The following ADAM28 variants were observed in gnomAD, a reference collection of about 807,000 sequenced individuals.
ADAM28 encodes ADAM metallopeptidase domain 28, also known as disintegrin and metalloproteinase domain-containing protein 28.
A neutral mutation model predicts 101.2 loss-of-function variants in ADAM28; 105 were observed. The observed-to-expected ratio is 1.04, with a 90% CI of 0.89 to 1.22. The LOEUF (loss-of-function observed/expected upper bound fraction) is 1.22, where lower values mean the gene tolerates loss of function less well. Ranked by LOEUF, ADAM28 falls within the 50% of genes most tolerant of loss-of-function variation. The pLI is 0.00. For synonymous variants in ADAM28, 322 were observed against 310.6 expected, an observed-to-expected ratio of 1.04 and a Z score of -0.39; for missense variants, 1,028 against 945.4, an observed-to-expected ratio of 1.09 and a Z score of -1.15.
At chr8:24,323,760 A>C in intron 8 of ADAM28, 74 bp from the exon 9 acceptor site, 5 of 1,421,000 alleles carry the variant, frequency 3.5e-6, no homozygotes, top group Non-Finnish European at 4.8e-6. Context: ...TTAAAAATAC[A>C]AAATATATTG....
At chr8:24,335,281 A>G (rs975061681) in intron 13 of ADAM28, among the ~76,000 whole-genome samples, 165 bp from the exon 14 acceptor site, 4 of 152,128 alleles carry the variant, frequency 2.6e-5, no homozygotes, top group Non-Finnish European at 4.4e-5. Flanking sequence ...TAGAAGTGAT[A>G]TAACAGATCA....
In ADAM28 at chr8:24,353,121, A is replaced by G. The variant is rs540394910; in HGVS notation, c.2245-649A>G. 4.6e-5 allele frequency among the ~76,000 whole-genome samples: 7 copies of G among 152,284 alleles called. No individual in the cohort carries two copies. In the South Asian group the frequency reaches 1.2e-3, roughly 27 times the overall value. On this transcript the variant is annotated intron_variant, in intron 21 of 22. Transcript: ENST00000265769. ...TTGATGTTTTATTATAAAAAATAGT[A>G]TTGCTGTTATGCAATTATTGAGAAA...
intron 10 of ADAM28, among the ~76,000 whole-genome samples, chr8:24,327,421 T>C (rs549453520): frequency 4.6e-5 from 7 of 152,252 alleles, no homozygotes; most frequent in Admixed American, 3.9e-4. Flanking sequence ...TATTCCATGC[T>C]CATGGATAGG....
intron 14 of ADAM28, among the ~76,000 whole-genome samples, chr8:24,337,404 A>G (rs1814233709): frequency 6.6e-6 from 1 of 152,326 alleles, no homozygotes; most frequent in Non-Finnish European, 1.5e-5. Flanking sequence ...ACTGCAAACA[A>G]TATTAACTGT....
At chr8:24,310,369 A>G (rs1810290445) in intron 4 of ADAM28, 128 bp downstream of exon 4, 1 of 722,374 alleles carries the variant, frequency 1.4e-6, no homozygotes, top group Non-Finnish European at 2.2e-6. Flanking sequence ...AGCAGTAGCC[A>G]TTACTTAAAA....
At chr8:24,335,916 T>C (rs892995179) in intron 14 of ADAM28, 4 of 1,130,082 alleles carry the variant, frequency 3.5e-6, no homozygotes, top group Non-Finnish European at 4.4e-6. Flanking sequence ...CCATGCAATA[T>C]TTGAGGTGTG....
intron 21 of ADAM28, 49 bp from the exon 22 acceptor site, chr8:24,353,721 C>G: frequency 3.5e-6 from 4 of 1,142,356 alleles, no homozygotes; most frequent in Non-Finnish European, 5.3e-6. Context: ...TAAGATGGGA[C>G]AAGCATAGCA....
Position 24,323,937 on chromosome 8 carries a change from A to T in ADAM28, c.824A>T (p.Asn275Ile), listed in dbSNP as rs2129291388. 1 of 1,612,218 alleles carries T rather than the reference A, an allele frequency of 6.2e-7. No homozygotes were observed. Among genetic ancestry groups the T allele is most frequent in the Non-Finnish European group, 8.5e-7 (1 of 1,178,838 alleles). ...ITPNASFTLE[N>I]FSKWRGSVLS... ...CCAAATGCAAGCTTCACCTTGGAGA[A>T]TTTTTCTAAATGGAGGGGGAGTGTT... Residue 275 changes from asparagine to isoleucine, a missense_variant, in exon 9 of 23, where the codon AAT becomes ATT. By Grantham distance (149) the Asn-to-Ile change is moderately radical. Transcript: ENST00000265769.
chr8:24,307,019 A>G (rs766338641), intron 2 of ADAM28, among the ~76,000 whole-genome samples: 26 of 152,202 alleles, frequency 1.7e-4, no homozygotes, highest in Non-Finnish European at 3.7e-4. Flanking sequence ...AGACTCTTCT[A>G]TAGTCTCTCA....
intron 7 of ADAM28, 38 bp from the exon 8 acceptor site, chr8:24,321,180 T>C (rs750010951): frequency 6.0e-6 from 8 of 1,332,900 alleles, no homozygotes; most frequent in Non-Finnish European, 8.6e-6. Context: ...ATATTCATTT[T>C]TATCAATGCC....
chr8:24,307,443 T>C (rs1457954819), intron 2 of ADAM28, among the ~76,000 whole-genome samples: 5 of 152,184 alleles, frequency 3.3e-5, no homozygotes, highest in African/African-American at 1.2e-4. Context: ...ATATTTCAGC[T>C]AGACTGAAAT....
intron 2 of ADAM28, among the ~76,000 whole-genome samples, chr8:24,304,676 G>A (rs916922805): frequency 6.6e-5 from 10 of 152,026 alleles, no homozygotes; most frequent in Non-Finnish European, 1.2e-4. Flanking sequence ...GACCAACCTG[G>A]CCAAGGTTGT....
chr8:24,334,343 G>C (rs1813737742), intron 13 of ADAM28, among the ~76,000 whole-genome samples: 1 of 152,096 alleles, frequency 6.6e-6, no homozygotes, highest in Non-Finnish European at 1.5e-5. Context: ...CTAAAGTTCA[G>C]CACTCAGACA....
At chr8:24,322,617 G>C (rs934931864) in intron 8 of ADAM28, 1 of 152,040 alleles carries the variant, frequency 6.6e-6, no homozygotes, top group African/African-American at 2.4e-5. Context: ...AAGGAAGAGA[G>C]ATGTAGAGGC....
Position 24,354,598 on chromosome 8 carries a change from G to A in ADAM28, c.*194G>A, listed in dbSNP as rs1816550144. On this transcript the variant is annotated 3_prime_UTR_variant, in exon 23 of 23. Transcript: ENST00000265769. ...GAGGAACATATGCCTGAGAACCTTT[G>A]CATGAATTTAAAATTTCAATTATCC... The A allele has an allele frequency of 2.1e-6, 1 of 465,680 alleles. No individual in the cohort carries two copies. Among genetic ancestry groups the A allele is most frequent in the Non-Finnish European group, 3.8e-6 (1 of 265,868 alleles). 28.8% of individuals were successfully genotyped at this position (465,680 alleles called of 1,614,324 possible).
At chr8:24,330,213 T>C in intron 11 of ADAM28, 98 bp downstream of exon 11, 3 of 1,425,576 alleles carry the variant, frequency 2.1e-6, no homozygotes, top group Non-Finnish European at 2.8e-6. Context: ...CGTGTTCGAG[T>C]TTTTGAGTCA....
chr8:24,328,349 T>C (rs1394381855), intron 10 of ADAM28, among the ~76,000 whole-genome samples: 1 of 151,922 alleles, frequency 6.6e-6, no homozygotes. Flanking sequence ...CTTGTTAGTG[T>C]AAGAATAATG....
At chr8:24,316,473 A>C (rs1811177300) in intron 6 of ADAM28, among the ~76,000 whole-genome samples, 1 of 152,082 alleles carries the variant, frequency 6.6e-6, no homozygotes, top group Non-Finnish European at 1.5e-5. Context: ...AATAATGAAA[A>C]TTTAAGAACA....
chr8:24,318,651 C>T (rs1811478721), intron 6 of ADAM28, among the ~76,000 whole-genome samples: 1 of 152,050 alleles, frequency 6.6e-6, no homozygotes, highest in Non-Finnish European at 1.5e-5. Flanking sequence ...TCATTCTCCC[C>T]ATTTTACTTA....
Sources: allele counts gnomAD v4.1 joint callset (sites outside exome capture counted in the v4.1 genomes callset), GRCh38; gene constraint gnomAD v4.1.1; transcripts MANE v1.5; gene names NCBI Gene and HGNC (gene_info 2026-07-23, HGNC 2026-07-21).